LOXL1: variants seen among roughly 807,000 people sequenced by gnomAD.
LOXL1 encodes the protein lysyl oxidase like 1, also known as lysyl oxidase homolog 1.
In LOXL1, 31 loss-of-function variants were observed where a neutral mutation model predicts 62.2. That is an observed-to-expected ratio of 0.50 (90% confidence interval 0.37 to 0.67). The LOEUF (loss-of-function observed/expected upper bound fraction) is 0.67. Among genes scored for constraint, LOXL1 ranks in the 30% least tolerant of loss-of-function variants. The pLI, the probability that LOXL1 is intolerant of heterozygous loss-of-function variation, is 0.00. For missense variants in LOXL1, 775 were observed against 843.4 expected (o/e 0.92, Z 1.00); for synonymous variants, 403 against 384.4 (o/e 1.05, Z -0.56).
intron 2 of LOXL1, 167 bp from the exon 3 acceptor site, chr15:73,946,250 T>G (rs1595848575): frequency 1.7e-6 from 1 of 600,274 alleles, no homozygotes; most frequent in Non-Finnish European, 3.0e-6. Flanking sequence ...GGAAGAGGCC[T>G]GAGCCTCCGC....
At chr15:73,939,732 G>A (rs1397102106) in intron 1 of LOXL1, among the ~76,000 whole-genome samples, 1 of 152,152 alleles carries the variant, frequency 6.6e-6, no homozygotes, top group Non-Finnish European at 1.5e-5. Flanking sequence ...TAAAATCTGT[G>A]CATTTCACTG....
intron 3 of LOXL1, 38 bp downstream of exon 3, chr15:73,946,592 C>T (rs2068749813): frequency 6.4e-7 from 1 of 1,571,790 alleles, no homozygotes; most frequent in Admixed American, 1.8e-5. Context: ...TCTTCCACTT[C>T]TCCTCTGGGC....
In LOXL1 at chr15:73,947,104, C is replaced by G. The variant is rs2068752884; in HGVS notation, c.1387C>G (p.Leu463Val). The G allele has an allele frequency of 6.2e-7, 1 of 1,612,990 alleles. No homozygotes were observed. Among genetic ancestry groups the G allele is most frequent in the African/African-American group, 1.3e-5 (1 of 74,940 alleles). Residue 463 changes from leucine (L) to valine (V), a missense_variant, in exon 4 of 7, where the codon CTA (leucine) becomes GTA (valine). Transcript: ENST00000261921. ...CATGGACGAGTTCAGCCACTACGAC[C>G]TACTGGATGCAGCCACAGGCAAGAA... is the stretch of plus-strand genomic sequence containing the variant. ...HSMDEFSHYDLLDAATGKKVA... is the reference protein window; with the variant it reads ...HSMDEFSHYDVLDAATGKKVA...
chr15:73,951,457 C>A (rs571011666), intron 6 of LOXL1, among the ~76,000 whole-genome samples: 1 of 151,540 alleles, frequency 6.6e-6, no homozygotes, highest in African/African-American at 2.4e-5. Context: ...AGAAAGGCCA[C>A]GGGACTGACG....
chr15:73,943,761 C>T (rs2096121640), intron 2 of LOXL1, among the ~76,000 whole-genome samples: 1 of 152,170 alleles, frequency 6.6e-6, no homozygotes, highest in South Asian at 2.1e-4. Flanking sequence ...GTTGAAAGCA[C>T]CTATTTTTCT....
intron 1 of LOXL1, among the ~76,000 whole-genome samples, chr15:73,936,493 C>A (rs1308871898): frequency 6.6e-6 from 1 of 152,232 alleles, no homozygotes; most frequent in Non-Finnish European, 1.5e-5. Context: ...CTAGCCAAAA[C>A]ATCCCGCTCA....
At position 73,926,737 on chromosome 15, in the gene LOXL1, A is replaced by G; in HGVS notation, c.-47A>G. On this transcript the variant is annotated 5_prime_UTR_variant, in exon 1 of 7. Transcript: ENST00000261921. The stretch of plus-strand genomic sequence containing the variant: ...GGAAGAGAAGCACGCCCAGGGGGCC[A>G]CTCCTGAGAGCCTCTCTGTCCACCA... 7.4e-7 allele frequency: 1 copy of G among 1,346,778 alleles called. No individual in the cohort carries two copies. The highest frequency in any genetic ancestry group is 9.6e-7 in the Non-Finnish European group (1 of 1,042,578). 83.4% of individuals were successfully genotyped at this position (1,346,778 alleles called of 1,614,324 possible).
Position 73,926,822 on chromosome 15 carries a change from G to A in LOXL1, c.39G>A (p.Leu13=), listed in dbSNP as rs775212315. The part of the protein sequence containing the change: ...LARGSRQLGA[L]VWGACLCVLV... ...GAGGCAGCCGGCAGCTGGGGGCCCT[G>A]GTGTGGGGCGCCTGCCTGTGCGTGC... The change falls in exon 1 of 7, where the codon CTG becomes CTA. Residue 13 remains leucine, a synonymous_variant. Transcript: ENST00000261921. The A allele has an allele frequency of 1.9e-4, 286 of 1,519,396 alleles. 3 individuals carry two copies. The Middle Eastern group carries it at 2.8e-3, about 15-fold the overall frequency. 94.1% of individuals were successfully genotyped at this position (1,519,396 alleles called of 1,614,324 possible). A position where few individuals can be genotyped will look rare whatever the true frequency, so the allele number is the denominator to read the frequency against.
chr15:73,948,648 A>G (rs1027490584), intron 5 of LOXL1, among the ~76,000 whole-genome samples: 5 of 152,230 alleles, frequency 3.3e-5, no homozygotes, highest in Non-Finnish European at 5.9e-5. Context: ...GGAGAGATGC[A>G]TCCGGCAGCG....
At chr15:73,941,066 G>A (rs2068710434) in intron 1 of LOXL1, among the ~76,000 whole-genome samples, 2 of 152,138 alleles carry the variant, frequency 1.3e-5, no homozygotes. Context: ...CTGGGTGATG[G>A]GGAAGGGGCC....
At chr15:73,949,655 A>G in intron 6 of LOXL1, 81 bp downstream of exon 6, 4 of 914,734 alleles carry the variant, frequency 4.4e-6, no homozygotes, top group Non-Finnish European at 7.2e-6. Flanking sequence ...GATACCTAAG[A>G]TACCTGCACT....
chr15:73,929,446 T>C (rs2068620420), intron 1 of LOXL1, among the ~76,000 whole-genome samples: 1 of 152,214 alleles, frequency 6.6e-6, no homozygotes, highest in South Asian at 2.1e-4. Flanking sequence ...CTGCTGCTCA[T>C]GGGGTGCCTG....
At chr15:73,932,094 C>G (rs2068639108) in intron 1 of LOXL1, among the ~76,000 whole-genome samples, 1 of 152,152 alleles carries the variant, frequency 6.6e-6, no homozygotes, top group African/African-American at 2.4e-5. Context: ...AGTGAGATGA[C>G]CCAGGAGGAT....
chr15:73,951,652 C>G, intron 6 of LOXL1, among the ~76,000 whole-genome samples, 179 bp from the exon 7 acceptor site: 1 of 152,158 alleles, frequency 6.6e-6, no homozygotes, highest in Non-Finnish European at 1.5e-5. Flanking sequence ...GGTGGGAGTC[C>G]ATCAAACCCC....
In LOXL1 at chr15:73,951,954, C is replaced by A; in HGVS notation, c.*117C>A. On this transcript the variant is annotated 3_prime_UTR_variant, in exon 7 of 7. Coordinates refer to ENST00000261921, the MANE Select transcript of LOXL1 (RefSeq NM_005576.4). ...CACAGGCACGGAGGGGCATCCCTCCCTGCCGGCCTCAGGGAGCGAACGTGG... is the reference window on the plus strand; with the variant it reads ...CACAGGCACGGAGGGGCATCCCTCCATGCCGGCCTCAGGGAGCGAACGTGG... 1.1e-6 allele frequency: 1 copy of A among 913,312 alleles called. No homozygotes were observed. The highest frequency in any genetic ancestry group is 1.5e-6 in the Non-Finnish European group (1 of 672,592). 56.6% of individuals were successfully genotyped at this position (913,312 alleles called of 1,614,324 possible). A position where few individuals can be genotyped will look rare whatever the true frequency, so the allele number is the denominator to read the frequency against.
At chr15:73,929,215 T>C (rs899117455) in intron 1 of LOXL1, among the ~76,000 whole-genome samples, 3 of 152,272 alleles carry the variant, frequency 2.0e-5, no homozygotes, top group South Asian at 2.1e-4. Flanking sequence ...CCAATACTTA[T>C]GCAGTCCAAC....
chr15:73,949,702 G>C (rs969653155), intron 6 of LOXL1, 128 bp downstream of exon 6: 8 of 670,600 alleles, frequency 1.2e-5, no homozygotes, highest in Non-Finnish European at 2.1e-5. Flanking sequence ...GCTGCAGCAG[G>C]GCCCATCAAA....
chr15:73,930,642 T>G lies in LOXL1; in HGVS notation c.1102+2757T>G, dbSNP rs2068629227. Among the ~76,000 whole-genome samples, 1 of 152,066 alleles carries G rather than the reference T, an allele frequency of 6.6e-6. No homozygotes were observed. The highest frequency in any genetic ancestry group is 1.5e-5 in the Non-Finnish European group (1 of 67,994). On this transcript the variant is annotated intron_variant, in intron 1 of 6. Transcript: ENST00000261921. The surrounding 1 kb of genome is among the most constrained non-coding windows in gnomAD (Gnocchi z 4.7). Reference sequence around the variant, plus strand: ...GGCAGCCTGTGAGTGTGTGTGGGCGTGGACGTGTCCTCACAACACCAAGCA... The same window carrying G: ...GGCAGCCTGTGAGTGTGTGTGGGCGGGGACGTGTCCTCACAACACCAAGCA...
At chr15:73,932,838 C>CAGAAAGAAAAAGAGTCTTCAGGCTT (rs2068644546) in intron 1 of LOXL1, among the ~76,000 whole-genome samples, 1 of 152,180 alleles carries the variant, frequency 6.6e-6, no homozygotes, top group Non-Finnish European at 1.5e-5. Flanking sequence ...ATTGTTCCTT[C>CAGAAAGAAAAAGAGTCTTCAGGCTT]AGAAAGAAAA....
Sources: allele counts gnomAD v4.1 joint callset (sites outside exome capture counted in the v4.1 genomes callset), GRCh38; gene constraint gnomAD v4.1.1; non-coding constraint Gnocchi (gnomAD v3.1); transcripts MANE v1.5; gene names NCBI Gene and HGNC (gene_info 2026-07-23, HGNC 2026-07-21).